XIRP2: variants seen among roughly 807,000 people sequenced by gnomAD.
The protein encoded by XIRP2 is xin actin-binding repeat-containing protein 2.
Under a neutral mutation model 277.0 loss-of-function variants are expected in XIRP2, and 236 were observed. The observed-to-expected ratio is 0.85, with a 90% CI of 0.77 to 0.95. The LOEUF (loss-of-function observed/expected upper bound fraction) is 0.95. Among genes scored for constraint, XIRP2 ranks in the 40% least tolerant of loss-of-function variants. The pLI is 0.00. For missense variants in XIRP2, 4,640 were observed against 4,157.5 expected, an observed-to-expected ratio of 1.12 and a Z score of -3.19; for synonymous variants, 1,490 against 1,416.5, an observed-to-expected ratio of 1.05 and a Z score of -1.17.
intron 3 of XIRP2, among the ~76,000 whole-genome samples, chr2:167,142,716 C>T (rs1691755886): frequency 6.6e-6 from 1 of 152,146 alleles, no homozygotes; most frequent in Non-Finnish European, 1.5e-5. Flanking sequence ...GTTGGCATGG[C>T]TCATGTGACT....
In XIRP2 at chr2:167,248,254, C is replaced by T. The variant is rs762961034; in HGVS notation, c.6862C>T (p.Pro2288Ser). Residue 2288 changes from proline to serine, a missense_variant, in exon 9 of 11, where the codon CCC (proline) becomes TCC (serine). Pro to Ser is a moderately conservative substitution (Grantham distance 74). Coordinates refer to ENST00000409195, the MANE Select transcript of XIRP2 (RefSeq NM_152381.6). ...PENNVKESECPLPPPSPPPPP... is the reference protein window; with the variant it reads ...PENNVKESECSLPPPSPPPPP... ...GAATAATGTAAAAGAAAGTGAGTGC[C>T]CCCTTCCACCTCCATCTCCACCTCC... 8.1e-6 allele frequency: 13 copies of T among 1,613,280 alleles called. No individual in the cohort carries two copies. The African/African-American group carries it at 1.7e-4, about 22-fold the overall frequency.
At position 167,251,054 on chromosome 2, in the gene XIRP2, T is replaced by C; in HGVS notation, c.9662T>C (p.Leu3221Pro). The C allele has an allele frequency of 6.2e-7, 1 of 1,613,654 alleles. No homozygotes were observed. Among genetic ancestry groups the C allele is most frequent in the Non-Finnish European group, 8.5e-7 (1 of 1,179,750 alleles). Residue 3221 changes from leucine to proline, a missense_variant, in exon 9 of 11, where the codon CTT (leucine) becomes CCT (proline). Coordinates refer to ENST00000409195, the MANE Select transcript of XIRP2 (RefSeq NM_152381.6). ...GAAATCATCATGTCTCCTGCAACAC[T>C]TCGTCGTCAAATTAAGATAGAAACT... Reference protein sequence around the residue: ...RSEIIMSPATLRRQIKIETRG... With the variant: ...RSEIIMSPATPRRQIKIETRG...
At chr2:167,224,738 C>A (rs1288227289) in intron 5 of XIRP2, among the ~76,000 whole-genome samples, 1 of 152,024 alleles carries the variant, frequency 6.6e-6, no homozygotes, top group East Asian at 1.9e-4. Context: ...GACCCTTAAG[C>A]CAAGAGGGGA....
intron 2 of XIRP2, among the ~76,000 whole-genome samples, chr2:166,957,260 G>A (rs1686185062): frequency 6.6e-6 from 1 of 151,330 alleles, no homozygotes; most frequent in Admixed American, 6.6e-5. Flanking sequence ...AATTGTACAA[G>A]GGAAAAAATG....
rs556589672 is a variant in XIRP2 at position 167,258,984 on chromosome 2, T to G, written c.*1167T>G. ...CTTATGGTAAAGGGGGGAAGTTCAA[T>G]CATCTCTCCTGATACAAATCTCTTA... is the stretch of plus-strand genomic sequence containing the variant. On this transcript the variant is annotated 3_prime_UTR_variant, in exon 11 of 11. Coordinates refer to ENST00000409195, the MANE Select transcript of XIRP2 (RefSeq NM_152381.6). 9 of 1,611,726 alleles carry G rather than the reference T, an allele frequency of 5.6e-6. No homozygotes were observed. In the African/African-American group the frequency reaches 9.3e-5, roughly 17 times the overall value.
intron 2 of XIRP2, among the ~76,000 whole-genome samples, chr2:167,072,652 A>G (rs994077056): frequency 6.6e-6 from 1 of 152,218 alleles, no homozygotes; most frequent in African/African-American, 2.4e-5. Context: ...CTCTCAAATC[A>G]AAAGCTTCCC....
intron 3 of XIRP2, among the ~76,000 whole-genome samples, chr2:167,173,968 T>G (rs1553495106): frequency 6.6e-6 from 1 of 152,190 alleles, no homozygotes; most frequent in Non-Finnish European, 1.5e-5. Context: ...TGAAGCCAAC[T>G]TGATCATGGT....
intron 2 of XIRP2, among the ~76,000 whole-genome samples, chr2:167,036,736 G>A (rs1688516792): frequency 6.6e-6 from 1 of 152,102 alleles, no homozygotes; most frequent in African/African-American, 2.4e-5. Flanking sequence ...GGAATGATAT[G>A]GTTTGGCTGT....
intron 3 of XIRP2, among the ~76,000 whole-genome samples, chr2:167,189,726 A>T (rs1210169080): frequency 1.3e-5 from 2 of 152,198 alleles, no homozygotes; most frequent in East Asian, 1.9e-4. Flanking sequence ...ACTAATTCTG[A>T]TATTAAGTGT....
At chr2:167,017,553 G>T (rs889518847) in intron 2 of XIRP2, among the ~76,000 whole-genome samples, 3 of 151,934 alleles carry the variant, frequency 2.0e-5, no homozygotes, top group African/African-American at 7.3e-5. Context: ...TGGGAAACTT[G>T]CTGGAAATCA....
At chr2:167,074,168 C>T (rs775979102) in intron 2 of XIRP2, among the ~76,000 whole-genome samples, 1 of 152,092 alleles carries the variant, frequency 6.6e-6, no homozygotes, top group Non-Finnish European at 1.5e-5. Flanking sequence ...ACTGATATTT[C>T]TCAGTCTCAG....
chr2:167,124,150 A>G (rs910953470), intron 2 of XIRP2: 3 of 152,148 alleles, frequency 2.0e-5, no homozygotes, highest in African/African-American at 7.2e-5. Flanking sequence ...TCATGAGAAC[A>G]GATGATCCAT....
chr2:166,892,353 G>T (rs1684125442), intron 1 of XIRP2, among the ~76,000 whole-genome samples: 1 of 152,114 alleles, frequency 6.6e-6, no homozygotes, highest in African/African-American at 2.4e-5. Context: ...GAGTATGGTG[G>T]GTGTTGGGAA....
At chr2:167,240,871 C>A in intron 7 of XIRP2, 135 bp downstream of exon 7, 1 of 735,710 alleles carries the variant, frequency 1.4e-6, no homozygotes, top group South Asian at 1.7e-5. Flanking sequence ...CCAGGGAGAG[C>A]TGAGTAGTAT....
chr2:166,911,462 G>A (rs1293349506), intron 2 of XIRP2, among the ~76,000 whole-genome samples: 1 of 152,054 alleles, frequency 6.6e-6, no homozygotes, highest in Non-Finnish European at 1.5e-5. Flanking sequence ...CATTTGCTTG[G>A]TAGATCTTCC....
At chr2:167,157,040 A>T (rs1009527782) in intron 3 of XIRP2, among the ~76,000 whole-genome samples, 1 of 151,968 alleles carries the variant, frequency 6.6e-6, no homozygotes, top group Non-Finnish European at 1.5e-5. Flanking sequence ...TCCAATTCCC[A>T]CTACAAAGTA....
chr2:167,197,693 C>T (rs1471138496), intron 3 of XIRP2, among the ~76,000 whole-genome samples: 1 of 152,092 alleles, frequency 6.6e-6, no homozygotes, highest in African/African-American at 2.4e-5. Context: ...GACCAGCCTT[C>T]CATATTCACA....
chr2:167,054,217 C>T (rs190626102), intron 2 of XIRP2, among the ~76,000 whole-genome samples: 5 of 152,298 alleles, frequency 3.3e-5, no homozygotes, highest in Non-Finnish European at 2.9e-5. Flanking sequence ...ACTATCCTTA[C>T]TGTATCTCTA....
At chr2:167,068,079 A>T (rs7592670) in intron 2 of XIRP2, among the ~76,000 whole-genome samples, 5,051 of 152,246 alleles carry the variant, frequency 0.033, 143 homozygotes, top group African/African-American at 0.077. Context: ...TGTCTTAAAC[A>T]ATTTTCTACA....
Sources: gnomAD v4.1 joint callset for allele counts (sites outside exome capture counted in the v4.1 genomes callset) on GRCh38, gnomAD v4.1.1 for gene constraint, MANE v1.5 for transcripts, NCBI Gene and HGNC (gene_info 2026-07-23, HGNC 2026-07-21) for gene names.